Variants in TECRL observed in about 807,000 individuals in gnomAD.
TECRL encodes trans-2,3-enoyl-CoA reductase like.
A neutral mutation model predicts 52.8 loss-of-function variants in TECRL; 63 were observed. The ratio of observed to expected loss-of-function variants is 1.19; its 90% CI spans 0.97 to 1.47. The LOEUF is 1.47. Ranked by LOEUF, TECRL falls within the 40% of genes most tolerant of loss-of-function variation. TECRL has a pLI of 0.00. For synonymous variants in TECRL, 164 were observed against 141.9 expected, an observed-to-expected ratio of 1.16 and a Z score of -1.10; for missense variants, 482 against 429.6, an observed-to-expected ratio of 1.12 and a Z score of -1.08.
In TECRL at chr4:64,281,550, G is replaced by T. The variant is rs199931486; in HGVS notation, c.842C>A (p.Ala281Asp). The T allele has an allele frequency of 2.0e-5, 32 of 1,592,688 alleles. No homozygotes were observed. The highest frequency in any genetic ancestry group is 3.3e-4 in the Middle Eastern group (2 of 5,982). ...LSHPNHTGNNACFPSPNYNPF... is the reference protein window; with the variant it reads ...LSHPNHTGNNDCFPSPNYNPF... ...GTTATAATTTGGACTTGGGAAACAGGCATTGTTTCCTTTTTCAAAGGAAAG... is the reference window on the plus strand; with the variant it reads ...GTTATAATTTGGACTTGGGAAACAGTCATTGTTTCCTTTTTCAAAGGAAAG... The change falls in exon 10 of 12, where the codon GCC becomes GAC. Residue 281 changes from alanine (A) to aspartate (D), a missense_variant. Transcript: ENST00000381210.
intron 4 of TECRL, among the ~76,000 whole-genome samples, chr4:64,317,985 C>T (rs1717624100): frequency 6.6e-6 from 1 of 152,114 alleles, no homozygotes; most frequent in Admixed American, 6.5e-5. Context: ...ATAAAACTGT[C>T]TCCACAGATT....
At chr4:64,374,001 C>T (rs1354853962) in intron 2 of TECRL, among the ~76,000 whole-genome samples, 1 of 15,814 alleles carries the variant, frequency 6.3e-5, no homozygotes, top group African/African-American at 1.5e-4. Flanking sequence ...ATCTACTATA[C>T]TATAGTATAG....
At chr4:64,361,840 C>T (rs1006843711) in intron 2 of TECRL, among the ~76,000 whole-genome samples, 1 of 152,070 alleles carries the variant, frequency 6.6e-6, no homozygotes, top group Non-Finnish European at 1.5e-5. Context: ...CACTAACTCC[C>T]CAGCAATAGT....
chr4:64,321,108 T>C (rs1285346197), intron 4 of TECRL, among the ~76,000 whole-genome samples: 1 of 152,106 alleles, frequency 6.6e-6, no homozygotes, highest in Non-Finnish European at 1.5e-5. Flanking sequence ...ATACTACTAA[T>C]TTCTTAAAGT....
At chr4:64,284,855 G>A (rs1230239510) in intron 9 of TECRL, among the ~76,000 whole-genome samples, 6 of 152,078 alleles carry the variant, frequency 3.9e-5, no homozygotes, top group East Asian at 1.9e-4. Flanking sequence ...TCCTTTCCCA[G>A]TATTGGAACG....
At chr4:64,281,623 T>A (rs1722834319) in intron 9 of TECRL, 64 bp from the exon 10 acceptor site, 1 of 797,742 alleles carries the variant, frequency 1.3e-6, no homozygotes, top group Non-Finnish European at 2.0e-6. Context: ...ATATGCTTAT[T>A]ATATAATACT....
intron 3 of TECRL, 33 bp from the exon 4 acceptor site, chr4:64,322,825 A>C: frequency 6.7e-7 from 1 of 1,488,632 alleles, no homozygotes. Flanking sequence ...ATTTTATTTT[A>C]ATACAATTTC....
intron 6 of TECRL, among the ~76,000 whole-genome samples, chr4:64,309,059 G>T (rs1420632037): frequency 1.3e-5 from 2 of 152,080 alleles, no homozygotes; most frequent in South Asian, 2.1e-4. Context: ...GTCTATAATG[G>T]TGATCTTGAA....
chr4:64,326,648 G>A (rs545236538), intron 3 of TECRL, among the ~76,000 whole-genome samples: 2 of 152,216 alleles, frequency 1.3e-5, no homozygotes, highest in South Asian at 4.1e-4. Context: ...GAAAGTTGTG[G>A]TTATTGTAGA....
At chr4:64,348,137 T>C (rs979388921) in intron 2 of TECRL, among the ~76,000 whole-genome samples, 1 of 152,108 alleles carries the variant, frequency 6.6e-6, no homozygotes, top group African/African-American at 2.4e-5. Flanking sequence ...GACTGGGTAA[T>C]TTATGAACAA....
At chr4:64,399,026 G>A (rs10002726) in intron 1 of TECRL, among the ~76,000 whole-genome samples, 1 of 151,968 alleles carries the variant, frequency 6.6e-6, no homozygotes, top group Admixed American at 6.6e-5. Flanking sequence ...TGTGTAGCCT[G>A]CCTTATTTTG....
chr4:64,398,137 A>C lies in TECRL; in HGVS notation c.234+10981T>G, dbSNP rs188992927. Among the ~76,000 whole-genome samples the C allele has an allele frequency of 5.6e-4, 86 of 152,222 alleles. No homozygotes were observed. The East Asian group carries it at 0.012, about 20-fold the overall frequency. On this transcript the variant is annotated intron_variant, in intron 1 of 11. Transcript: ENST00000381210. Reference sequence around the variant, plus strand: ...TGTGAGAATTTTCATGTTATTATTAAATTTGTAAATTTGAATTTGTATCTA... The same window carrying C: ...TGTGAGAATTTTCATGTTATTATTACATTTGTAAATTTGAATTTGTATCTA...
intron 6 of TECRL, among the ~76,000 whole-genome samples, chr4:64,307,784 C>A (rs192694971): frequency 5.2e-4 from 79 of 152,256 alleles, no homozygotes; most frequent in Admixed American, 1.0e-3. Flanking sequence ...CTGACCACTG[C>A]TGAGAAACAA....
intron 1 of TECRL, among the ~76,000 whole-genome samples, chr4:64,405,690 C>T (rs1340443886): frequency 6.6e-6 from 1 of 151,858 alleles, no homozygotes; most frequent in Non-Finnish European, 1.5e-5. Context: ...AATTATGGAA[C>T]TCAATAAAGT....
intron 7 of TECRL, 200 bp downstream of exon 7, chr4:64,304,966 C>T (rs1321460333): frequency 3.3e-5 from 12 of 365,504 alleles, no homozygotes; most frequent in Admixed American, 4.3e-5. Context: ...TTTGGTGGTT[C>T]GTGTAGAAAC....
At position 64,322,786 on chromosome 4, in the gene TECRL, G is replaced by T. The variant is rs1474037096; in HGVS notation, c.338C>A (p.Pro113His). 2.5e-6 allele frequency: 4 copies of T among 1,593,304 alleles called. No homozygotes were observed. In the South Asian group the frequency reaches 3.5e-5, roughly 14 times the overall value. The change falls in exon 4 of 12, where the codon CCT becomes CAT. Residue 113 changes from proline (P) to histidine (H), a missense_variant. Coordinates refer to ENST00000381210, the MANE Select transcript of TECRL (RefSeq NM_001010874.5). ...RVGLQLECGG[P>H]FLKDYITIQS... is the part of the protein sequence containing the mutation. ...AATGGTAATGTAGTCCTTCAAAAAA[G>T]GCCCGCCTAAAATAAAAATAACAAG...
At chr4:64,348,825 C>A (rs1720173812) in intron 2 of TECRL, among the ~76,000 whole-genome samples, 1 of 152,150 alleles carries the variant, frequency 6.6e-6, no homozygotes, top group Admixed American at 6.5e-5. Context: ...GACCACTCTA[C>A]ATCCTGAGAA....
At chr4:64,314,513 C>T in intron 5 of TECRL, 135 bp downstream of exon 5, 1 of 644,170 alleles carries the variant, frequency 1.6e-6, no homozygotes, top group Non-Finnish European at 2.7e-6. Context: ...AAAATGATAT[C>T]CACTTCAATC....
At chr4:64,309,970 T>C (rs1724574392) in intron 5 of TECRL, 39 bp from the exon 6 acceptor site, 1 of 1,388,190 alleles carries the variant, frequency 7.2e-7, no homozygotes, top group Non-Finnish European at 1.0e-6. Context: ...AAAATCCTTT[T>C]GAAGTTCTGG....
Sources: gnomAD v4.1 joint callset for allele counts (sites outside exome capture counted in the v4.1 genomes callset) on GRCh38, gnomAD v4.1.1 for gene constraint, MANE v1.5 for transcripts, NCBI Gene and HGNC (gene_info 2026-07-23, HGNC 2026-07-21) for gene names.